The following CNNM1 variants were observed in gnomAD, a reference collection of about 807,000 sequenced individuals.
CNNM1 encodes cyclin and CBS domain divalent metal cation transport mediator 1, also known as metal transporter CNNM1.
Under a neutral mutation model 78.8 loss-of-function variants are expected in CNNM1, and 44 were observed. That is an observed-to-expected ratio of 0.56 (90% confidence interval 0.44 to 0.72). CNNM1 has a LOEUF of 0.72. Ranked by LOEUF, CNNM1 falls within the 30% of genes least tolerant of loss-of-function variation. The pLI, the probability that CNNM1 is intolerant of heterozygous loss-of-function variation, is 0.00. For missense variants in CNNM1, 1,101 were observed against 1,292.2 expected (o/e 0.85, Z 2.27); for synonymous variants, 584 against 581.5 (o/e 1.00, Z -0.06).
In CNNM1 at chr10:99,329,763, C is replaced by G. The variant is rs1850557217; in HGVS notation, c.376C>G (p.Arg126Gly). ...GGVAPSAVPTRPPGPQRCREQ... is the reference protein window; with the variant it reads ...GGVAPSAVPTGPPGPQRCREQ... ...CGTGGCCCCCAGCGCGGTCCCCACT[C>G]GCCCCCCGGGACCGCAGCGCTGCAG... is the stretch of plus-strand genomic sequence containing the variant. Residue 126 changes from arginine (R) to glycine (G), a missense_variant, in exon 1 of 11, where the codon CGC (arginine) becomes GGC (glycine). Arg to Gly is a moderately radical substitution (Grantham distance 125). Transcript: ENST00000356713. 1 of 1,497,826 alleles carries G rather than the reference C, an allele frequency of 6.7e-7. No individual in the cohort carries two copies. The highest frequency in any genetic ancestry group is 8.8e-7 in the Non-Finnish European group (1 of 1,132,022). 92.8% of individuals were successfully genotyped at this position (1,497,826 alleles called of 1,614,324 possible).
intron 9 of CNNM1, among the ~76,000 whole-genome samples, chr10:99,389,600 A>G (rs2032413670): frequency 1.3e-5 from 2 of 152,130 alleles, no homozygotes; most frequent in African/African-American, 4.8e-5. Context: ...AATGTAACAA[A>G]GGAATAAGAA....
chr10:99,391,423 C>T lies in CNNM1; in HGVS notation c.2777-14C>T. 1 of 1,610,450 alleles carries T rather than the reference C, an allele frequency of 6.2e-7. No individual in the cohort carries two copies. Among genetic ancestry groups the T allele is most frequent in the Non-Finnish European group, 8.5e-7 (1 of 1,176,976 alleles). The stretch of plus-strand genomic sequence containing the variant: ...CAGTGTTACAGGCTGATACTTGCAA[C>T]TTGTTTTTTTCAGGTGGCCAAAAAA... On this transcript the variant is annotated splice_polypyrimidine_tract_variant and intron_variant, in intron 10 of 10. Transcript: ENST00000356713.
rs1850558191 is a variant in CNNM1 at position 99,329,789 on chromosome 10, G to A, written c.402G>A (p.Arg134=). The change falls in exon 1 of 11, where the codon AGG becomes AGA. Residue 134 remains arginine, a synonymous_variant. Coordinates refer to ENST00000356713, the MANE Select transcript of CNNM1 (RefSeq NM_020348.3). ...GCCCCCCGGGACCGCAGCGCTGCAG[G>A]GAGCAGAGCGACTGGGCATCGGACG... ...PTRPPGPQRC[R]EQSDWASDVE... 1 of 1,478,600 alleles carries A rather than the reference G, an allele frequency of 6.8e-7. No homozygotes were observed. The highest frequency in any genetic ancestry group is 8.9e-7 in the Non-Finnish European group (1 of 1,121,712). 91.6% of individuals were successfully genotyped at this position (1,478,600 alleles called of 1,614,324 possible). A position where few individuals can be genotyped will look rare whatever the true frequency, so the allele number is the denominator to read the frequency against.
intron 1 of CNNM1, among the ~76,000 whole-genome samples, chr10:99,354,779 A>C (rs1225185895): frequency 6.6e-6 from 1 of 152,066 alleles, no homozygotes; most frequent in Non-Finnish European, 1.5e-5. Context: ...TGAAGTATAG[A>C]ATGAGTAGGG....
At position 99,330,566 on chromosome 10, in the gene CNNM1, G is replaced by T. The variant is rs201936780; in HGVS notation, c.1179G>T (p.Thr393=). ...ALRQEISTFY[T]REKLLETLRA... ...GCCAGGAGATAAGCACCTTCTACAC[G>T]CGGGAGAAGTTGCTGGAGACGTTGC... is the stretch of plus-strand genomic sequence containing the variant. Residue 393 remains threonine, a synonymous_variant, in exon 1 of 11, where the codon ACG becomes ACT. Transcript: ENST00000356713. The T allele has an allele frequency of 3.1e-6, 5 of 1,607,602 alleles. No homozygotes were observed. The South Asian group carries it at 5.6e-5, about 18-fold the overall frequency.
chr10:99,363,889 C>T (rs1021613846), intron 4 of CNNM1, among the ~76,000 whole-genome samples: 2 of 151,972 alleles, frequency 1.3e-5, no homozygotes, highest in Non-Finnish European at 2.9e-5. Context: ...GGACTACAGG[C>T]ATGCACCACC....
chr10:99,329,940 T>G lies in CNNM1; in HGVS notation c.553T>G (p.Ser185Ala). 7.2e-7 allele frequency: 1 copy of G among 1,386,468 alleles called. No individual in the cohort carries two copies. Among genetic ancestry groups the G allele is most frequent in the Non-Finnish European group, 9.3e-7 (1 of 1,080,550 alleles). 85.9% of individuals were successfully genotyped at this position (1,386,468 alleles called of 1,614,324 possible). The change falls in exon 1 of 11, where the codon TCA becomes GCA. Residue 185 changes from serine (S) to alanine (A), a missense_variant. This residue lies in a region of CNNM1 where 476 missense variants were observed against 484.5 expected (regional missense o/e 0.98). Coordinates refer to ENST00000356713, the MANE Select transcript of CNNM1 (RefSeq NM_020348.3). ...CGCGGGCGGTGGCGGGAAGCTCTTT[T>G]CACTCTGCGCCTGGGATGGGCGCGC... Reference protein sequence around the residue: ...GGAGGGGKLFSLCAWDGRAWH... With the variant: ...GGAGGGGKLFALCAWDGRAWH...
At position 99,329,861 on chromosome 10, in the gene CNNM1, C is replaced by T; in HGVS notation, c.474C>T (p.Ala158=). Residue 158 remains alanine, a synonymous_variant, in exon 1 of 11, where the codon GCC becomes GCT. Transcript: ENST00000356713. ...PLRPGGVAGS[A]LVQVRVRELR... The stretch of plus-strand genomic sequence containing the variant: ...GTCCCGGGGGCGTGGCAGGCTCGGC[C>T]CTGGTCCAGGTGCGAGTGCGGGAGC... The T allele has an allele frequency of 1.4e-6, 2 of 1,410,308 alleles. No individual in the cohort carries two copies. Among genetic ancestry groups the T allele is most frequent in the Admixed American group, 3.3e-5 (1 of 30,042 alleles). The allele number at this position is 1,410,308 out of a possible 1,614,324, so 87.4% of individuals were successfully genotyped here. A position where few individuals can be genotyped will look rare whatever the true frequency, so the allele number is the denominator to read the frequency against.
chr10:99,331,999 C>T (rs1050716738), intron 1 of CNNM1, among the ~76,000 whole-genome samples: 2 of 152,206 alleles, frequency 1.3e-5, no homozygotes, highest in Admixed American at 6.5e-5. Flanking sequence ...AAAGTGCCTT[C>T]TGGTGACTAC....
At chr10:99,385,974 A>C (rs751455403) in intron 7 of CNNM1, among the ~76,000 whole-genome samples, 22 of 152,342 alleles carry the variant, frequency 1.4e-4, no homozygotes, top group Admixed American at 2.6e-4. Flanking sequence ...TGTTAGAGCC[A>C]AATTTCCTCA....
chr10:99,379,131 T>C (rs976933775), intron 7 of CNNM1, among the ~76,000 whole-genome samples: 1 of 152,204 alleles, frequency 6.6e-6, no homozygotes, highest in Non-Finnish European at 1.5e-5. Context: ...GTTGGACATG[T>C]GATCTGTGGG....
intron 7 of CNNM1, among the ~76,000 whole-genome samples, chr10:99,383,167 C>T (rs747276871): frequency 6.6e-6 from 1 of 152,064 alleles, no homozygotes; most frequent in African/African-American, 2.4e-5. Flanking sequence ...TAGATTAAGA[C>T]CAGTTAGAGA....
intron 1 of CNNM1, among the ~76,000 whole-genome samples, chr10:99,349,041 A>G (rs1589892903): frequency 1.3e-5 from 2 of 152,150 alleles, no homozygotes; most frequent in Admixed American, 1.3e-4. Flanking sequence ...CTGCACTCCA[A>G]CCTGGGCAAC....
chr10:99,339,156 C>T (rs1284262087), intron 1 of CNNM1, among the ~76,000 whole-genome samples: 1 of 152,214 alleles, frequency 6.6e-6, no homozygotes, highest in East Asian at 1.9e-4. Context: ...GCACAACCCA[C>T]GTATGCTAGG....
intron 6 of CNNM1, among the ~76,000 whole-genome samples, chr10:99,372,424 G>A (rs904794765): frequency 6.6e-6 from 1 of 152,170 alleles, no homozygotes; most frequent in Admixed American, 6.5e-5. Flanking sequence ...GCAAGAGTGG[G>A]CAAGGGATGG....
chr10:99,349,012 G>A (rs2030824778), intron 1 of CNNM1, among the ~76,000 whole-genome samples: 1 of 152,234 alleles, frequency 6.6e-6, no homozygotes, highest in Non-Finnish European at 1.5e-5. Context: ...GGAGGTTGCA[G>A]TGAGCTGAGA....
chr10:99,393,090 T>C lies in CNNM1; in HGVS notation c.*1574T>C, dbSNP rs2032521977. The stretch of plus-strand genomic sequence containing the variant: ...CTATCTCCCTTTCTGATCTGTCTCC[T>C]ACTCTTTAGATGTTCTCAGTCAAGT... On this transcript the variant is annotated 3_prime_UTR_variant, in exon 11 of 11. Coordinates refer to ENST00000356713, the MANE Select transcript of CNNM1 (RefSeq NM_020348.3). The C allele has an allele frequency of 6.6e-6, 1 of 152,262 alleles. No individual in the cohort carries two copies. Among genetic ancestry groups the C allele is most frequent in the Non-Finnish European group, 1.5e-5 (1 of 68,052 alleles). 9.4% of individuals were successfully genotyped at this position (152,262 alleles called of 1,614,324 possible).
intron 5 of CNNM1, among the ~76,000 whole-genome samples, 158 bp downstream of exon 5, chr10:99,364,674 A>G (rs1181710709): frequency 6.6e-6 from 1 of 152,200 alleles, no homozygotes; most frequent in Non-Finnish European, 1.5e-5. Flanking sequence ...AAATGGGTGT[A>G]TGAATCACTT....
At chr10:99,333,342 GGTTT>G (rs142222343) in intron 1 of CNNM1, among the ~76,000 whole-genome samples, 123 of 152,092 alleles carry the variant, frequency 8.1e-4, no homozygotes, top group African/African-American at 2.7e-3. Context: ...CATTTGTTTA[GGTTT>G]GTTTGTTTGT....
Sources: allele counts gnomAD v4.1 joint callset (sites outside exome capture counted in the v4.1 genomes callset), GRCh38; gene constraint gnomAD v4.1.1; regional missense constraint gnomAD v4.1.1; transcripts MANE v1.5; gene names NCBI Gene and HGNC (gene_info 2026-07-23, HGNC 2026-07-21).